Variants in NUDT9 observed in about 807,000 individuals in gnomAD.
NUDT9 encodes nudix hydrolase 9, also known as ADP-ribose pyrophosphatase.
Under a neutral mutation model 41.0 loss-of-function variants are expected in NUDT9, and 31 were observed. That is an observed-to-expected ratio of 0.76 (90% CI 0.57 to 1.02). The LOEUF is 1.02. Among genes scored for constraint, NUDT9 ranks in the 50% least tolerant of loss-of-function variants. The pLI is 0.00. For missense variants in NUDT9, 380 were observed against 431.4 expected (o/e 0.88, Z 1.06); for synonymous variants, 146 against 147.6 (o/e 0.99, Z 0.08).
intron 1 of NUDT9, among the ~76,000 whole-genome samples, chr4:87,429,213 G>A (rs1227142214): frequency 2.6e-5 from 4 of 152,050 alleles, no homozygotes; most frequent in South Asian, 2.1e-4. Flanking sequence ...GTGCAGTGGC[G>A]TGATCATGGT....
At chr4:87,446,443 C>T (rs1048719386) in intron 4 of NUDT9, among the ~76,000 whole-genome samples, 24 of 152,040 alleles carry the variant, frequency 1.6e-4, no homozygotes, top group African/African-American at 5.8e-4. Context: ...CCATGTTGGC[C>T]AGGATGGTCT....
chr4:87,458,145 A>G lies in NUDT9; in HGVS notation c.*124A>G, dbSNP rs1202003602. ...ACTTGGCCTATTTACTTTCAAAACA[A>G]TTTGCATTTAGAGTGTTTCGCATCA... On this transcript the variant is annotated 3_prime_UTR_variant, in exon 8 of 8. Transcript: ENST00000302174. The G allele has an allele frequency of 2.5e-6, 2 of 796,142 alleles. No individual in the cohort carries two copies. Among genetic ancestry groups the G allele is most frequent in the Admixed American group, 7.7e-5 (2 of 26,070 alleles). The allele number at this position is 796,142 out of a possible 1,614,324, so 49.3% of individuals were successfully genotyped here.
chr4:87,454,102 AT>A (rs1722881560), intron 6 of NUDT9, among the ~76,000 whole-genome samples: 1 of 151,752 alleles, frequency 6.6e-6, no homozygotes, highest in African/African-American at 2.4e-5. Context: ...ACCTCAGGTG[AT>A]CCACCCGCCT....
intron 6 of NUDT9, among the ~76,000 whole-genome samples, chr4:87,452,547 C>T (rs940435711): frequency 1.3e-5 from 2 of 151,792 alleles, no homozygotes; most frequent in East Asian, 3.9e-4. Context: ...ACCTCTTGGG[C>T]TCCTGTGATC....
At chr4:87,435,507 T>G (rs1721888860) in intron 2 of NUDT9, among the ~76,000 whole-genome samples, 1 of 152,246 alleles carries the variant, frequency 6.6e-6, no homozygotes. Flanking sequence ...TACTGTTATA[T>G]TTGTTTTGAA....
intron 2 of NUDT9, among the ~76,000 whole-genome samples, chr4:87,435,970 G>A (rs559112584): frequency 3.9e-4 from 59 of 152,152 alleles, no homozygotes; most frequent in African/African-American, 1.3e-3. Flanking sequence ...CACTCTCAGC[G>A]AGTTTCAAGT....
chr4:87,422,631 G>T lies in NUDT9; in HGVS notation c.-275G>T. On this transcript the variant is annotated 5_prime_UTR_variant, in exon 1 of 8. Transcript: ENST00000302174. ...GAAAGTTACGAGGTTCGTGGCCGCG[G>T]TTTCCCCAGGCAGCTGGCGCTGGAG... The T allele has an allele frequency of 3.0e-6, 1 of 338,110 alleles. No individual in the cohort carries two copies. The allele number at this position is 338,110 out of a possible 1,614,324, so 20.9% of individuals were successfully genotyped here. A position where few individuals can be genotyped will look rare whatever the true frequency, so the allele number is the denominator to read the frequency against.
intron 4 of NUDT9, among the ~76,000 whole-genome samples, chr4:87,445,789 A>G (rs935776956): frequency 1.3e-5 from 2 of 152,234 alleles, no homozygotes; most frequent in Non-Finnish European, 2.9e-5. Context: ...AATTGGTGAT[A>G]ATGTATTTAA....
chr4:87,429,081 A>G (rs1012006923), intron 1 of NUDT9, among the ~76,000 whole-genome samples: 2 of 152,172 alleles, frequency 1.3e-5, no homozygotes, highest in African/African-American at 4.8e-5. Context: ...CACTATATAC[A>G]CCGAAGAGGG....
intron 7 of NUDT9, among the ~76,000 whole-genome samples, chr4:87,456,270 G>A (rs1465523940): frequency 6.6e-6 from 1 of 152,190 alleles, no homozygotes. Flanking sequence ...TTAGATGTCA[G>A]TCTTTTAGTG....
intron 1 of NUDT9, among the ~76,000 whole-genome samples, chr4:87,426,647 C>T (rs887367121): frequency 6.6e-6 from 1 of 151,424 alleles, no homozygotes; most frequent in Admixed American, 6.6e-5. Context: ...CCTGACCTTG[C>T]GATCGCCTGC....
chr4:87,430,460 A>T (rs1338841727), intron 1 of NUDT9, among the ~76,000 whole-genome samples: 2 of 152,194 alleles, frequency 1.3e-5, no homozygotes. Context: ...TTTTTATGTC[A>T]TTGCTTTATA....
At chr4:87,440,569 C>G (rs953836803) in intron 3 of NUDT9, among the ~76,000 whole-genome samples, 8 of 152,092 alleles carry the variant, frequency 5.3e-5, no homozygotes, top group South Asian at 2.1e-4. Flanking sequence ...GGTTGCAGGC[C>G]GGGCATGGTG....
intron 4 of NUDT9, among the ~76,000 whole-genome samples, chr4:87,442,347 C>T (rs949218277): frequency 4.6e-5 from 7 of 152,104 alleles, no homozygotes; most frequent in African/African-American, 1.4e-4. Context: ...AAAAACCATA[C>T]ACCTGTTTTG....
intron 1 of NUDT9, among the ~76,000 whole-genome samples, chr4:87,433,883 C>T (rs1249069639): frequency 6.6e-6 from 1 of 152,022 alleles, no homozygotes. Flanking sequence ...CACAGTCTAC[C>T]TTCAAATTAT....
intron 1 of NUDT9, among the ~76,000 whole-genome samples, chr4:87,426,001 A>G (rs766714563): frequency 6.6e-6 from 1 of 151,736 alleles, no homozygotes; most frequent in Non-Finnish European, 1.5e-5. Flanking sequence ...GTTTGTAGAG[A>G]TGGGTCTCCC....
intron 4 of NUDT9, among the ~76,000 whole-genome samples, chr4:87,446,640 T>C (rs934347191): frequency 6.6e-6 from 1 of 152,170 alleles, no homozygotes. Flanking sequence ...AGGTTCAAAG[T>C]TGTGTTTACG....
At chr4:87,454,293 A>C in intron 6 of NUDT9, 78 bp from the exon 7 acceptor site, 1 of 759,286 alleles carries the variant, frequency 1.3e-6, no homozygotes, top group Non-Finnish European at 2.4e-6. Flanking sequence ...TACATTTCTG[A>C]TGCTAGTGAA....
chr4:87,433,739 T>C (rs1046101254), intron 1 of NUDT9, among the ~76,000 whole-genome samples: 6 of 152,246 alleles, frequency 3.9e-5, no homozygotes, highest in Non-Finnish European at 7.3e-5. Context: ...AGATGAGATA[T>C]GAAAAATTTT....
Sources: gnomAD v4.1 joint callset for allele counts (sites outside exome capture counted in the v4.1 genomes callset) on GRCh38, gnomAD v4.1.1 for gene constraint, MANE v1.5 for transcripts, NCBI Gene and HGNC (gene_info 2026-07-23, HGNC 2026-07-21) for gene names.